Variants in ARHGAP29 observed in about 807,000 individuals in gnomAD.
ARHGAP29 encodes the protein Rho GTPase activating protein 29, also known as rho GTPase-activating protein 29.
In ARHGAP29, 43 loss-of-function variants were observed where a neutral mutation model predicts 122.6. The ratio of observed to expected loss-of-function variants is 0.35; its 90% CI spans 0.27 to 0.45. ARHGAP29 has a LOEUF of 0.45. Ranked by LOEUF, ARHGAP29 falls within the 20% of genes least tolerant of loss-of-function variation. The pLI, the probability that ARHGAP29 is intolerant of heterozygous loss-of-function variation, is 1.00. For missense variants in ARHGAP29, 1,303 were observed against 1,477.2 expected (o/e 0.88, Z 1.93); for synonymous variants, 506 against 497.1 (o/e 1.02, Z -0.24).
chr1:94,309,981 T>C, the ARHGAP29 span, among the ~76,000 whole-genome samples: 2 of 152,216 alleles, frequency 1.3e-5, no homozygotes, highest in Non-Finnish European at 2.9e-5. Context: ...TAAATAAATA[T>C]GAGTAAACAT....
the ARHGAP29 span, among the ~76,000 whole-genome samples, chr1:94,295,305 A>G: frequency 1.1e-4 from 16 of 152,302 alleles, no homozygotes; most frequent in East Asian, 3.1e-3. Flanking sequence ...TGAGAGTGTT[A>G]AGCAAGAGAA....
chr1:94,245,631 C>T (rs534318598), intron 1 of ARHGAP29, among the ~76,000 whole-genome samples: 1 of 152,182 alleles, frequency 6.6e-6, no homozygotes, highest in Non-Finnish European at 1.5e-5. Flanking sequence ...AAAAATAAAG[C>T]ATCCCTTTAC....
chr1:94,220,842 A>C (rs1303045419), intron 2 of ARHGAP29, among the ~76,000 whole-genome samples: 2 of 151,368 alleles, frequency 1.3e-5, no homozygotes, highest in Non-Finnish European at 3.0e-5. Context: ...ACAGACCTTT[A>C]ATGAGTTTTT....
the ARHGAP29 span, chr1:94,302,811 C>A: frequency 4.1e-6 from 1 of 243,958 alleles, no homozygotes; most frequent in Non-Finnish European, 8.2e-6. Context: ...GGTGAAGCGG[C>A]ATCGGAGGGG....
chr1:94,196,293 G>A (rs371142754), intron 12 of ARHGAP29, among the ~76,000 whole-genome samples: 2 of 112,616 alleles, frequency 1.8e-5, no homozygotes, highest in African/African-American at 3.4e-5. Flanking sequence ...ACGGAGTCTC[G>A]CTCTGTCGCC....
chr1:94,178,067 T>A lies in ARHGAP29; in HGVS notation c.2581A>T (p.Thr861Ser), dbSNP rs1467199735. Reference protein sequence around the residue: ...IRPRPTTAPITISSLAEYSNQ... With the variant: ...IRPRPTTAPISISSLAEYSNQ... ...GAATACTCTGCAAGGGAGGAGATGG[T>A]GATAGGAGCAGTTGTGGGCCTTGGC... The change falls in exon 21 of 23, where the codon ACC becomes TCC. Residue 861 changes from threonine to serine, a missense_variant. This residue lies in a region of ARHGAP29 where 620 missense variants were observed against 651.2 expected (regional missense o/e 0.95). Transcript: ENST00000260526. 5 of 1,614,160 alleles carry A rather than the reference T, an allele frequency of 3.1e-6. No individual in the cohort carries two copies. The highest frequency in any genetic ancestry group is 4.2e-6 in the Non-Finnish European group (5 of 1,180,002).
At chr1:94,244,150 C>T (rs778942204) in intron 1 of ARHGAP29, among the ~76,000 whole-genome samples, 25 of 151,606 alleles carry the variant, frequency 1.6e-4, no homozygotes, top group Non-Finnish European at 2.7e-4. Context: ...CACTTCCCAA[C>T]TCATTCTATG....
Position 94,177,926 on chromosome 1 carries a change from G to A in ARHGAP29, c.2722C>T (p.Pro908Ser), listed in dbSNP as rs1205210565. Residue 908 changes from proline to serine, a missense_variant, in exon 21 of 23, where the codon CCA becomes TCA. This residue lies in a region of ARHGAP29 where 620 missense variants were observed against 651.2 expected (regional missense o/e 0.95). Transcript: ENST00000260526. ...TCTTCTGGTGATAACAGAGGCTTTG[G>A]AAAACAGCCTTGATCAACAACACCT... ...SIGVVDQGCF[P>S]KPLLSPEERD... The A allele has an allele frequency of 1.2e-6, 2 of 1,613,970 alleles. No homozygotes were observed. The highest frequency in any genetic ancestry group is 1.7e-6 in the Non-Finnish European group (2 of 1,180,008).
At chr1:94,313,516 G>A in the ARHGAP29 span, among the ~76,000 whole-genome samples, 4,673 of 152,246 alleles carry the variant, frequency 0.031, 196 homozygotes, top group African/African-American at 0.091. Flanking sequence ...AAATAGGAGC[G>A]CTTTTACACT....
upstream of ARHGAP29, among the ~76,000 whole-genome samples, chr1:94,239,817 C>A (rs901967027): frequency 2.6e-5 from 4 of 152,116 alleles, no homozygotes; most frequent in African/African-American, 7.2e-5. Context: ...TCCTTGATTA[C>A]CTGCTTCCAC....
chr1:94,294,734 C>T, the ARHGAP29 span, among the ~76,000 whole-genome samples: 2 of 152,090 alleles, frequency 1.3e-5, no homozygotes, highest in African/African-American at 4.8e-5. Context: ...ATGGCAAGAT[C>T]ATTAAATGAG....
intron 8 of ARHGAP29, 21 bp from the exon 9 acceptor site, chr1:94,203,231 G>A (rs759267286): frequency 9.8e-6 from 15 of 1,534,946 alleles, no homozygotes; most frequent in Non-Finnish European, 1.3e-5. Context: ...AAATTGAAAA[G>A]TAAATTTTAC....
At chr1:94,238,430 G>A (rs1205981840), upstream of ARHGAP29, among the ~76,000 whole-genome samples, 1 of 152,036 alleles carries the variant, frequency 6.6e-6, no homozygotes, top group Non-Finnish European at 1.5e-5. Context: ...AAAAGTCTGA[G>A]AAAGATGGAA....
the ARHGAP29 span, among the ~76,000 whole-genome samples, chr1:94,310,139 G>A: frequency 9.2e-5 from 14 of 152,200 alleles, no homozygotes. Context: ...CGGTACACAT[G>A]AGGTCCCCAG....
At chr1:94,186,359 T>C (rs1649800802) in intron 16 of ARHGAP29, 140 bp downstream of exon 16, 3 of 540,000 alleles carry the variant, frequency 5.6e-6, no homozygotes, top group South Asian at 3.0e-5. Context: ...ATTGTTGGGA[T>C]ATATTTAAGT....
chr1:94,286,155 T>C, the ARHGAP29 span, among the ~76,000 whole-genome samples: 2 of 152,188 alleles, frequency 1.3e-5, no homozygotes, highest in African/African-American at 4.8e-5. Context: ...TCTTCCTGGC[T>C]TGCAGATGGC....
the ARHGAP29 span, among the ~76,000 whole-genome samples, chr1:94,314,322 C>G: frequency 1.3e-5 from 2 of 152,162 alleles, no homozygotes; most frequent in Non-Finnish European, 2.9e-5. Context: ...CTCTCAGAGT[C>G]ATTGCATTAG....
At chr1:94,188,024 T>C (rs1649909419) in intron 15 of ARHGAP29, among the ~76,000 whole-genome samples, 1 of 152,186 alleles carries the variant, frequency 6.6e-6, no homozygotes, top group Admixed American at 6.5e-5. Context: ...GCTTAAATCC[T>C]GTAATCTATT....
chr1:94,292,539 G>T, the ARHGAP29 span, among the ~76,000 whole-genome samples: 2 of 152,192 alleles, frequency 1.3e-5, 1 homozygote, highest in South Asian at 4.2e-4. Context: ...GAGGCATTCT[G>T]GTTTTTGGAA....
Sources: gnomAD v4.1 joint callset for allele counts (sites outside exome capture counted in the v4.1 genomes callset) on GRCh38, gnomAD v4.1.1 for gene constraint, gnomAD v4.1.1 regional missense constraint, MANE v1.5 for transcripts, NCBI Gene and HGNC (gene_info 2026-07-23, HGNC 2026-07-21) for gene names.